The following OSBPL9 variants were observed in gnomAD, a reference collection of about 807,000 sequenced individuals.
OSBPL9 encodes oxysterol binding protein like 9.
OSBPL9 carries 40 observed loss-of-function variants against 106.6 expected under a neutral mutation model. The observed-to-expected ratio is 0.38, with a 90% CI of 0.29 to 0.49. OSBPL9 has a LOEUF of 0.49. Ranked by LOEUF, OSBPL9 falls within the 20% of genes least tolerant of loss-of-function variation. The pLI, the probability that OSBPL9 is intolerant of heterozygous loss-of-function variation, is 0.97. For missense variants in OSBPL9, 609 were observed against 887.2 expected (o/e 0.69, Z 3.98); for synonymous variants, 269 against 295.4 (o/e 0.91, Z 0.92).
chr1:51,781,116 T>C (rs778101421), intron 15 of OSBPL9, 48 bp from the exon 16 acceptor site: 1 of 1,581,738 alleles, frequency 6.3e-7, no homozygotes, highest in Admixed American at 1.7e-5. Flanking sequence ...CATCATCTTG[T>C]CTTGTACCAG....
intron 9 of OSBPL9, 44 bp downstream of exon 9, chr1:51,756,402 G>A: frequency 6.4e-7 from 1 of 1,568,044 alleles, no homozygotes; most frequent in South Asian, 1.1e-5. Context: ...CTTCTGCAGA[G>A]CATTATAACC....
intron 3 of OSBPL9, among the ~76,000 whole-genome samples, chr1:51,705,966 T>C (rs1187562981): frequency 6.6e-6 from 1 of 152,220 alleles, no homozygotes; most frequent in Non-Finnish European, 1.5e-5. Context: ...TGCTATTCTG[T>C]TGTACTGTTT....
rs1396643717 is a variant in OSBPL9, at chr1:51,602,857, A to T, written c.-353+4664A>T. Among the ~76,000 whole-genome samples, 4 of 152,186 alleles carry T rather than the reference A, an allele frequency of 2.6e-5. No individual in the cohort carries two copies. In the East Asian group the frequency reaches 7.7e-4, roughly 29 times the overall value. On this transcript the variant is annotated intron_variant, in intron 2 of 25. Coordinates refer to the OSBPL9 transcript ENST00000371714. The stretch of plus-strand genomic sequence containing the variant: ...AAAATATGTTGATGGAATAAGGTAA[A>T]TAATAACAAAACACTAGGGCTGGGG...
intron 1 of OSBPL9, among the ~76,000 whole-genome samples, chr1:51,582,476 C>T (rs1032780309): frequency 6.6e-6 from 1 of 152,126 alleles, no homozygotes; most frequent in Non-Finnish European, 1.5e-5. Flanking sequence ...TACAGGCACG[C>T]ACCACCATGC....
chr1:51,584,768 C>T (rs1269354650), intron 1 of OSBPL9, among the ~76,000 whole-genome samples: 7 of 152,066 alleles, frequency 4.6e-5, no homozygotes, highest in Non-Finnish European at 7.4e-5. Context: ...AGCCCTTGCA[C>T]ATCCTCTGGT....
rs375331948 is a variant in OSBPL9 at position 51,745,530 on chromosome 1, C to G, written c.319-6C>G. The G allele has an allele frequency of 1.2e-6, 2 of 1,610,546 alleles. No homozygotes were observed. Among genetic ancestry groups the G allele is most frequent in the South Asian group, 2.2e-5 (2 of 90,370 alleles). Reference sequence around the variant, plus strand: ...GGTAGATTTATTGCAAATTCTCTTTCTCTAGGGTTTGGATTCAGGATTTGT... The same window carrying G: ...GGTAGATTTATTGCAAATTCTCTTTGTCTAGGGTTTGGATTCAGGATTTGT... On this transcript the variant is annotated splice_polypyrimidine_tract_variant and splice_region_variant and intron_variant, in intron 4 of 23. Coordinates refer to ENST00000428468, the MANE Select transcript of OSBPL9 (RefSeq NM_024586.6).
At chr1:51,735,187 C>G (rs1665381669) in intron 4 of OSBPL9, among the ~76,000 whole-genome samples, 2 of 152,150 alleles carry the variant, frequency 1.3e-5, no homozygotes, top group Non-Finnish European at 2.9e-5. Context: ...CCTTCTGCTC[C>G]TTCCATGCTT....
intron 8 of OSBPL9, among the ~76,000 whole-genome samples, chr1:51,753,548 C>G (rs1329054588): frequency 6.6e-6 from 1 of 152,180 alleles, no homozygotes; most frequent in Non-Finnish European, 1.5e-5. Flanking sequence ...TTGGCAGACT[C>G]TTATTCACTG....
chr1:51,579,742 T>A (rs1208709450), intron 1 of OSBPL9, among the ~76,000 whole-genome samples: 2 of 151,712 alleles, frequency 1.3e-5, no homozygotes, highest in Non-Finnish European at 2.9e-5. Context: ...ATGCCTGTAG[T>A]CCCAGCTACC....
chr1:51,706,864 A>G (rs117906484), intron 3 of OSBPL9, among the ~76,000 whole-genome samples: 5,550 of 152,208 alleles, frequency 0.036, 239 homozygotes, highest in East Asian at 0.11. Context: ...ATTTTTAAAA[A>G]TTCCAAAACA....
In OSBPL9 at chr1:51,620,382, A is replaced by G. The variant is rs182852150; in HGVS notation, c.111+3161A>G. The stretch of plus-strand genomic sequence containing the variant: ...GTTAGGAAGTGGGGTTAAAGTGGCA[A>G]ATAAGATGGAAATTGTTCATCCTCT... On this transcript the variant is annotated intron_variant, in intron 1 of 23. Transcript: ENST00000428468. 2.1e-3 allele frequency among the ~76,000 whole-genome samples: 317 copies of G among 152,214 alleles called. 2 individuals are homozygous for G. The highest frequency in any genetic ancestry group is 7.4e-3 in the African/African-American group (309 of 41,536).
chr1:51,648,799 A>G (rs558591767), intron 1 of OSBPL9, among the ~76,000 whole-genome samples: 185 of 152,338 alleles, frequency 1.2e-3, no homozygotes, highest in African/African-American at 4.3e-3. Flanking sequence ...AATTCTTACC[A>G]TGCAAAGGCT....
chr1:51,649,736 C>CTTTTTTTT (rs71578080), intron 1 of OSBPL9, among the ~76,000 whole-genome samples: 17 of 96,984 alleles, frequency 1.8e-4, no homozygotes, highest in South Asian at 3.4e-4. Context: ...ACATGTTAGT[C>CTTTTTTTT]TTTTTTTTTT....
chr1:51,598,992 CAAAA>C (rs986127011), intron 2 of OSBPL9, among the ~76,000 whole-genome samples: 1 of 66,888 alleles, frequency 1.5e-5, no homozygotes. Flanking sequence ...GACTCTGTCT[CAAAA>C]AAAAAAAAAA....
At chr1:51,654,826 A>G (rs1318640683) in intron 2 of OSBPL9, among the ~76,000 whole-genome samples, 1 of 152,156 alleles carries the variant, frequency 6.6e-6, no homozygotes, top group Non-Finnish European at 1.5e-5. Flanking sequence ...ACAAAAAGAC[A>G]AAAAGGGTAT....
intron 1 of OSBPL9, among the ~76,000 whole-genome samples, chr1:51,629,234 T>C (rs1005073119): frequency 6.6e-6 from 1 of 152,210 alleles, no homozygotes; most frequent in African/African-American, 2.4e-5. Flanking sequence ...ATATTGTTAT[T>C]GCTTTATTTT....
At chr1:51,550,756 G>A in the OSBPL9 span, among the ~76,000 whole-genome samples, 2 of 152,116 alleles carry the variant, frequency 1.3e-5, no homozygotes, top group Admixed American at 6.6e-5. Context: ...TCAGGTGATC[G>A]ACCCACCTTA....
At chr1:51,605,624 A>G (rs1339183632) in intron 2 of OSBPL9, among the ~76,000 whole-genome samples, 1 of 152,196 alleles carries the variant, frequency 6.6e-6, no homozygotes, top group Non-Finnish European at 1.5e-5. Context: ...GGAGGTGGGA[A>G]GATAAATGAC....
chr1:51,694,889 T>C (rs1655706600), intron 3 of OSBPL9, among the ~76,000 whole-genome samples: 1 of 152,250 alleles, frequency 6.6e-6, no homozygotes, highest in African/African-American at 2.4e-5. Context: ...ATAAATGTTG[T>C]CAATTTTTCC....
Sources: allele counts gnomAD v4.1 joint callset (sites outside exome capture counted in the v4.1 genomes callset), GRCh38; gene constraint gnomAD v4.1.1; transcripts MANE v1.5; gene names NCBI Gene and HGNC (gene_info 2026-07-23, HGNC 2026-07-21).